Variants in CAAP1 observed in about 807,000 individuals in gnomAD.
CAAP1 encodes caspase activity and apoptosis inhibitor 1.
Under a neutral mutation model 34.0 loss-of-function variants are expected in CAAP1, and 20 were observed. The observed-to-expected ratio is 0.59, with a 90% CI of 0.41 to 0.86. The LOEUF (loss-of-function observed/expected upper bound fraction) is 0.86, where lower values mean the gene tolerates loss of function less well. CAAP1 is among the 40% of genes least tolerant of loss of function. CAAP1 has a pLI of 0.00. For synonymous variants in CAAP1, 213 were observed against 166.7 expected (o/e 1.28, Z -2.14); for missense variants, 538 against 450.5 (o/e 1.19, Z -1.76).
chr9:26,848,854 G>T (rs1822677633), intron 5 of CAAP1, among the ~76,000 whole-genome samples: 1 of 152,044 alleles, frequency 6.6e-6, no homozygotes, highest in Non-Finnish European at 1.5e-5. Flanking sequence ...TGCCTTTATG[G>T]TTTTATCCCA....
At chr9:26,891,919 G>A (rs911968730) in intron 1 of CAAP1, among the ~76,000 whole-genome samples, 12 of 152,262 alleles carry the variant, frequency 7.9e-5, no homozygotes, top group Admixed American at 7.2e-4. Context: ...GACTGGTGGC[G>A]TATAAAGAAC....
intron 4 of CAAP1, among the ~76,000 whole-genome samples, chr9:26,873,622 C>G (rs1195875404): frequency 6.6e-6 from 1 of 152,116 alleles, no homozygotes; most frequent in Admixed American, 6.5e-5. Context: ...ATTTTCAGTG[C>G]TATTTTAACT....
intron 4 of CAAP1, among the ~76,000 whole-genome samples, chr9:26,864,025 A>T (rs1458502746): frequency 6.6e-6 from 1 of 151,932 alleles, no homozygotes; most frequent in Non-Finnish European, 1.5e-5. Context: ...TGGCCTCCCA[A>T]AGTGCTGAGA....
intron 4 of CAAP1, among the ~76,000 whole-genome samples, chr9:26,882,596 G>C (rs1306732670): frequency 6.6e-6 from 1 of 152,222 alleles, no homozygotes; most frequent in Admixed American, 6.5e-5. Context: ...GAAGGGAAAT[G>C]TGGGGTTGAA....
intron 5 of CAAP1, among the ~76,000 whole-genome samples, chr9:26,851,189 C>T (rs1483197096): frequency 6.6e-6 from 1 of 152,128 alleles, no homozygotes; most frequent in South Asian, 2.1e-4. Context: ...CTTTAACATA[C>T]CAAATTACGC....
chr9:26,885,685 T>C (rs1334569782), intron 3 of CAAP1, among the ~76,000 whole-genome samples: 1 of 152,046 alleles, frequency 6.6e-6, no homozygotes, highest in African/African-American at 2.4e-5. Context: ...TATTGGTAAA[T>C]TGCATGGAAG....
intron 4 of CAAP1, among the ~76,000 whole-genome samples, chr9:26,876,469 A>G (rs1823431996): frequency 7.7e-6 from 1 of 129,314 alleles, no homozygotes; most frequent in African/African-American, 3.0e-5. Context: ...TGCATTCTAG[A>G]AGGTTTTTTT....
intron 5 of CAAP1, among the ~76,000 whole-genome samples, chr9:26,858,672 A>C (rs1347026230): frequency 2.0e-5 from 3 of 151,920 alleles, no homozygotes; most frequent in African/African-American, 4.8e-5. Flanking sequence ...AAATACAAAA[A>C]ATTAGCCGGG....
At chr9:26,849,504 G>T (rs531317074) in intron 5 of CAAP1, among the ~76,000 whole-genome samples, 47 of 152,150 alleles carry the variant, frequency 3.1e-4, no homozygotes, top group African/African-American at 1.1e-3. Context: ...GTTTTTACTT[G>T]CTATCTTTCC....
intron 1 of CAAP1, among the ~76,000 whole-genome samples, chr9:26,891,027 A>G (rs1360971910): frequency 6.6e-6 from 1 of 152,220 alleles, no homozygotes. Flanking sequence ...AACAAACCAA[A>G]CAGCACTTGT....
chr9:26,868,032 T>C (rs1348366163), intron 4 of CAAP1, among the ~76,000 whole-genome samples: 8 of 152,192 alleles, frequency 5.3e-5, no homozygotes, highest in Admixed American at 3.3e-4. Flanking sequence ...TTTAAACTTG[T>C]GTACTATTTG....
chr9:26,859,056 AC>A (rs1271531025), intron 5 of CAAP1, among the ~76,000 whole-genome samples: 2 of 151,728 alleles, frequency 1.3e-5, no homozygotes, highest in African/African-American at 4.8e-5. Context: ...TCATTTAGTC[AC>A]AACATGAGCA....
chr9:26,846,572 A>G (rs936620149), intron 5 of CAAP1, among the ~76,000 whole-genome samples: 4 of 151,992 alleles, frequency 2.6e-5, no homozygotes, highest in African/African-American at 4.8e-5. Flanking sequence ...TAATCTTTAC[A>G]TTATATCTTT....
intron 1 of CAAP1, among the ~76,000 whole-genome samples, chr9:26,889,792 C>T (rs1459128482): frequency 6.8e-6 from 1 of 146,862 alleles, no homozygotes; most frequent in Admixed American, 6.9e-5. Context: ...GGCGTGAACC[C>T]AGGAGGCGGC....
chr9:26,842,045 C>A lies in CAAP1; in HGVS notation c.*256G>T, dbSNP rs552633729. The stretch of plus-strand genomic sequence containing the variant: ...TGGCTTTTAAGATTTGCAGACACAG[C>A]TAAATACTCATCTAACAAAGTATCC... On this transcript the variant is annotated 3_prime_UTR_variant, in exon 6 of 6. Coordinates refer to ENST00000333916, the MANE Select transcript of CAAP1 (RefSeq NM_024828.4). The A allele has an allele frequency of 4.0e-5, 13 of 325,636 alleles. No individual in the cohort carries two copies. In the South Asian group the frequency reaches 9.7e-4, roughly 24 times the overall value. 20.2% of individuals were successfully genotyped at this position (325,636 alleles called of 1,614,324 possible).
intron 2 of CAAP1, 148 bp from the exon 3 acceptor site, chr9:26,886,336 G>C (rs1823738526): frequency 2.5e-6 from 1 of 405,300 alleles, no homozygotes; most frequent in Admixed American, 4.5e-5. Context: ...ATCTTTTCCT[G>C]GGATGAAATC....
In CAAP1 at chr9:26,887,319, C is replaced by A; in HGVS notation, c.498G>T (p.Val166=). ...EKKLQKMLPD[V]LKNCSIEEIK... ...CTGATGTGTAATGAAGTACCTTTAA[C>A]ACATCAGGAAGCATCTTCTGTAACT... Residue 166 remains valine, a synonymous_variant, in exon 2 of 6, where the codon GTG becomes GTT. Transcript: ENST00000333916. The A allele has an allele frequency of 6.3e-7, 1 of 1,586,840 alleles. No individual in the cohort carries two copies. The highest frequency in any genetic ancestry group is 8.6e-7 in the Non-Finnish European group (1 of 1,164,320).
intron 4 of CAAP1, among the ~76,000 whole-genome samples, chr9:26,878,400 G>A (rs542412666): frequency 6.6e-5 from 10 of 152,196 alleles, no homozygotes; most frequent in African/African-American, 2.2e-4. Flanking sequence ...TCCAAAACTG[G>A]CAGAAAGCAA....
At chr9:26,872,553 A>ATATATATATATATAT (rs560375272) in intron 4 of CAAP1, among the ~76,000 whole-genome samples, 18 of 142,558 alleles carry the variant, frequency 1.3e-4, no homozygotes, top group African/African-American at 4.9e-4. Context: ...ATATACATAT[A>ATATATATATATATAT]ATATATATAT....
Sources: gnomAD v4.1 joint callset for allele counts (sites outside exome capture counted in the v4.1 genomes callset) on GRCh38, gnomAD v4.1.1 for gene constraint, MANE v1.5 for transcripts, NCBI Gene and HGNC (gene_info 2026-07-23, HGNC 2026-07-21) for gene names.